CTNNA2: variants seen among roughly 807,000 people sequenced by gnomAD.
CTNNA2 encodes catenin alpha 2, also known as catenin alpha-2.
A neutral mutation model predicts 101.0 loss-of-function variants in CTNNA2; 42 were observed. That is an observed-to-expected ratio of 0.42 (90% CI 0.32 to 0.54). The LOEUF is 0.54. Ranked by LOEUF, CTNNA2 falls within the 20% of genes least tolerant of loss-of-function variation. The pLI, the probability that CTNNA2 is intolerant of heterozygous loss-of-function variation, is 0.14. For missense variants in CTNNA2, 871 were observed against 1,223.1 expected (o/e 0.71, Z 4.29); for synonymous variants, 450 against 456.4 (o/e 0.99, Z 0.18).
intron 2 of CTNNA2, among the ~76,000 whole-genome samples, chr2:79,291,352 G>GA (rs1675807579): frequency 6.6e-6 from 1 of 152,082 alleles, no homozygotes; most frequent in African/African-American, 2.4e-5. Flanking sequence ...ATATCCAGAA[G>GA]AAAAAATGTA....
chr2:80,432,117 A>C (rs942910011), intron 9 of CTNNA2, among the ~76,000 whole-genome samples: 3 of 152,086 alleles, frequency 2.0e-5, no homozygotes, highest in African/African-American at 7.2e-5. Context: ...TTTCACACTC[A>C]ATCTTTAAAT....
At chr2:79,981,210 A>T (rs1161728898) in intron 7 of CTNNA2, among the ~76,000 whole-genome samples, 1 of 152,144 alleles carries the variant, frequency 6.6e-6, no homozygotes, top group East Asian at 1.9e-4. Flanking sequence ...AAAAAACAGG[A>T]CTCAGAAAAC....
At chr2:80,549,334 C>A (rs1012936681) in intron 11 of CTNNA2, among the ~76,000 whole-genome samples, 1 of 151,890 alleles carries the variant, frequency 6.6e-6, no homozygotes, top group Non-Finnish European at 1.5e-5. Context: ...TTTAACTTTT[C>A]CTATTTTTTT....
At chr2:79,576,714 C>G (rs1315170950) in intron 1 of CTNNA2, among the ~76,000 whole-genome samples, 2 of 152,038 alleles carry the variant, frequency 1.3e-5, no homozygotes, top group African/African-American at 4.8e-5. Flanking sequence ...TCTACATTGG[C>G]CCCATTGTGA....
At chr2:79,609,101 A>G (rs991637204) in intron 1 of CTNNA2, among the ~76,000 whole-genome samples, 24 of 152,124 alleles carry the variant, frequency 1.6e-4, no homozygotes, top group Non-Finnish European at 7.4e-5. Flanking sequence ...GCATCAAAAC[A>G]TATGAGTTAC....
rs572145940 is a variant in CTNNA2 at position 80,412,711 on chromosome 2, G to A, written c.1138-6738G>A. 7.9e-4 allele frequency among the ~76,000 whole-genome samples: 120 copies of A among 152,050 alleles called. 1 individual carries two copies. The highest frequency in any genetic ancestry group is 7.9e-4 in the Admixed American group (12 of 15,270). On this transcript the variant is annotated intron_variant, in intron 8 of 18. Transcript: ENST00000402739. ...TGGTCTGAGGCGGTCATCTTAGCCC[G>A]GCCTTCTCCTGTGTCTGGGTTCTGT...
At chr2:80,326,590 C>T (rs1037732358) in intron 7 of CTNNA2, among the ~76,000 whole-genome samples, 5 of 151,868 alleles carry the variant, frequency 3.3e-5, no homozygotes, top group Non-Finnish European at 5.9e-5. Context: ...CTGTGAAGGC[C>T]AATCTAAGTG....
intron 9 of CTNNA2, among the ~76,000 whole-genome samples, chr2:80,424,626 G>T (rs1440398435): frequency 6.6e-6 from 1 of 152,220 alleles, no homozygotes; most frequent in African/African-American, 2.4e-5. Context: ...AACCTAGGTT[G>T]TAGCACTTCT....
chr2:80,372,283 T>C (rs1281188008), intron 7 of CTNNA2, among the ~76,000 whole-genome samples: 1 of 152,050 alleles, frequency 6.6e-6, no homozygotes, highest in Non-Finnish European at 1.5e-5. Context: ...ACTCATTGCC[T>C]TAAACCAGTC....
chr2:80,328,966 A>G (rs72813637), intron 7 of CTNNA2, among the ~76,000 whole-genome samples: 15,119 of 152,228 alleles, frequency 0.099, 855 homozygotes, highest in South Asian at 0.22. Flanking sequence ...TTATGGGATT[A>G]TGGTCATATA....
chr2:79,758,913 C>T (rs1672581305), intron 3 of CTNNA2, among the ~76,000 whole-genome samples: 1 of 152,138 alleles, frequency 6.6e-6, no homozygotes, highest in Non-Finnish European at 1.5e-5. Flanking sequence ...CAAGGTTAAA[C>T]CATGCTGAAT....
Position 80,412,739 on chromosome 2 carries a change from C to T in CTNNA2, c.1138-6710C>T, listed in dbSNP as rs560779225. Among the ~76,000 whole-genome samples the T allele has an allele frequency of 2.6e-5, 4 of 152,106 alleles. No individual in the cohort carries two copies. The East Asian group carries it at 7.7e-4, about 29-fold the overall frequency. ...CTTCTCCTGTGTCTGGGTTCTGTTGCTCTTAATGGATCTAGGATGGTCTTG... is the reference window on the plus strand; with the variant it reads ...CTTCTCCTGTGTCTGGGTTCTGTTGTTCTTAATGGATCTAGGATGGTCTTG... On this transcript the variant is annotated intron_variant, in intron 8 of 18. Transcript: ENST00000402739.
intron 2 of CTNNA2, among the ~76,000 whole-genome samples, chr2:79,238,470 A>G (rs915820585): frequency 6.6e-6 from 1 of 152,224 alleles, no homozygotes; most frequent in African/African-American, 2.4e-5. Flanking sequence ...AGAGATAAGA[A>G]ATGAGCGCAT....
intron 7 of CTNNA2, among the ~76,000 whole-genome samples, chr2:80,184,734 T>C (rs951913439): frequency 6.6e-5 from 10 of 152,164 alleles, no homozygotes; most frequent in Non-Finnish European, 1.3e-4. Flanking sequence ...TTATATACCC[T>C]CCTAATAGAC....
intron 7 of CTNNA2, among the ~76,000 whole-genome samples, chr2:80,309,047 C>G (rs1677286146): frequency 6.6e-6 from 1 of 151,890 alleles, no homozygotes; most frequent in Admixed American, 6.6e-5. Context: ...CGAGATCACG[C>G]CACTGCATTC....
chr2:79,642,331 C>T lies in CTNNA2; in HGVS notation c.-5-9221C>T, dbSNP rs574289404. On this transcript the variant is annotated intron_variant, in intron 1 of 18. Transcript: ENST00000402739. Reference sequence around the variant, plus strand: ...AGCAATAGCGGAGATACCCGCACCCCACCCTGCCTTCACTGCAAATAGCAA... The same window carrying T: ...AGCAATAGCGGAGATACCCGCACCCTACCCTGCCTTCACTGCAAATAGCAA... Among the ~76,000 whole-genome samples, 3 of 152,292 alleles carry T rather than the reference C, an allele frequency of 2.0e-5. No homozygotes were observed. In the South Asian group the frequency reaches 6.2e-4, roughly 32 times the overall value.
At chr2:80,006,236 A>G (rs1169100038) in intron 7 of CTNNA2, among the ~76,000 whole-genome samples, 1 of 152,128 alleles carries the variant, frequency 6.6e-6, no homozygotes, top group Non-Finnish European at 1.5e-5. Context: ...TTTTAGAATC[A>G]TGATTCTAGA....
At chr2:79,393,635 A>G (rs1244484148) in intron 4 of CTNNA2, among the ~76,000 whole-genome samples, 1 of 151,244 alleles carries the variant, frequency 6.6e-6, no homozygotes, top group East Asian at 2.0e-4. Flanking sequence ...AGAGAAAAAA[A>G]AAAAAAAAAA....
chr2:79,928,000 A>T (rs559062070), intron 7 of CTNNA2, among the ~76,000 whole-genome samples: 1 of 152,156 alleles, frequency 6.6e-6, no homozygotes, highest in East Asian at 1.9e-4. Context: ...AAAAAAAATT[A>T]TTTCTTTGTG....
Sources: allele counts gnomAD v4.1 joint callset (sites outside exome capture counted in the v4.1 genomes callset), GRCh38; gene constraint gnomAD v4.1.1; transcripts MANE v1.5; gene names NCBI Gene and HGNC (gene_info 2026-07-23, HGNC 2026-07-21).